Variants in FAM193A observed in about 807,000 individuals in gnomAD.
The protein encoded by FAM193A is protein FAM193A.
FAM193A carries 22 observed loss-of-function variants against 126.5 expected under a neutral mutation model. The ratio of observed to expected loss-of-function variants is 0.17; its 90% CI spans 0.12 to 0.25. The LOEUF is 0.25. FAM193A is among the 10% of genes least tolerant of loss of function. The pLI is 1.00. For missense variants in FAM193A, 1,675 were observed against 1,672.8 expected (o/e 1.00, Z -0.02); for synonymous variants, 761 against 646.8 (o/e 1.18, Z -2.68).
intron 2 of FAM193A, among the ~76,000 whole-genome samples, chr4:2,610,728 C>G (rs561145830): frequency 6.6e-6 from 1 of 152,158 alleles, no homozygotes; most frequent in African/African-American, 2.4e-5. Context: ...CTACTAGGAA[C>G]ATTTGAGTAT....
intron 1 of FAM193A, among the ~76,000 whole-genome samples, chr4:2,565,703 A>T (rs909221495): frequency 1.3e-5 from 2 of 152,246 alleles, no homozygotes; most frequent in African/African-American, 4.8e-5. Flanking sequence ...GGAACTGCTT[A>T]CAGCAACCAG....
Position 2,700,403 on chromosome 4 carries a change from T to A in FAM193A, c.4231T>A (p.Ser1411Thr). Residue 1411 changes from serine to threonine, a missense_variant, in exon 19 of 21, where the codon TCA (serine) becomes ACA (threonine). Physicochemically the swap from Ser to Thr is moderately conservative, Grantham distance 58 (BLOSUM62 1). Coordinates refer to ENST00000637812, the MANE Select transcript of FAM193A (RefSeq NM_001366318.2). ...GCTGAACCACATCAAGGACGAAAAG[T>A]CAAACCCAACCCCTATGGAGCCCAC... The part of the protein sequence containing the change: ...KQLNHIKDEK[S>T]NPTPMEPTSP... The A allele has an allele frequency of 6.2e-7, 1 of 1,613,756 alleles. No homozygotes were observed. The highest frequency in any genetic ancestry group is 1.3e-5 in the African/African-American group (1 of 74,888).
At chr4:2,654,059 A>T (rs904227169) in intron 7 of FAM193A, among the ~76,000 whole-genome samples, 1 of 152,198 alleles carries the variant, frequency 6.6e-6, no homozygotes, top group African/African-American at 2.4e-5. Context: ...GTTTTAATGC[A>T]CTATTTAATT....
In FAM193A at chr4:2,732,160, G is replaced by C; in HGVS notation, c.*292G>C. 2 of 444,042 alleles carry C rather than the reference G, an allele frequency of 4.5e-6. No homozygotes were observed. Among genetic ancestry groups the C allele is most frequent in the Admixed American group, 3.6e-5 (1 of 27,852 alleles). 27.5% of individuals were successfully genotyped at this position (444,042 alleles called of 1,614,324 possible). ...GCCTCGGAGGCCTGGGCCGTGGCCA[G>C]ATAGGAGTTTGCATCATCCACGTGG... On this transcript the variant is annotated 3_prime_UTR_variant, in exon 21 of 21. Coordinates refer to ENST00000637812, the MANE Select transcript of FAM193A (RefSeq NM_001366318.2).
In FAM193A at chr4:2,693,670, C is replaced by T; in HGVS notation, c.2888C>T (p.Pro963Leu). ...APRNSPTGLA[P>L]LPALSPAALS... ...AGGAATAGCCCCACGGGCTTGGCCC[C>T]CCTCCCAGCGCTCTCGCCTGCTGCG... The change falls in exon 16 of 21, where the codon CCC (proline) becomes CTC (leucine). Residue 963 changes from proline to leucine, a missense_variant. By Grantham distance (98) the Pro-to-Leu change is moderately conservative. This residue lies in a region of FAM193A where 1,186 missense variants were observed against 1,109.2 expected (regional missense o/e 1.07). Coordinates refer to ENST00000637812, the MANE Select transcript of FAM193A (RefSeq NM_001366318.2). 1.9e-6 allele frequency: 3 copies of T among 1,614,226 alleles called. No individual in the cohort carries two copies. Among genetic ancestry groups the T allele is most frequent in the Non-Finnish European group, 1.7e-6 (2 of 1,180,034 alleles).
At chr4:2,602,214 TA>T (rs34232840) in intron 2 of FAM193A, among the ~76,000 whole-genome samples, 45 of 148,030 alleles carry the variant, frequency 3.0e-4, no homozygotes, top group South Asian at 6.4e-4. Context: ...GAATGTGATT[TA>T]AAAAAAAAAA....
intron 6 of FAM193A, among the ~76,000 whole-genome samples, chr4:2,643,650 C>T (rs1744855514): frequency 6.6e-6 from 1 of 152,066 alleles, no homozygotes. Flanking sequence ...CATTTTTTGT[C>T]TTAAAATGTA....
At chr4:2,565,981 T>C (rs544215558) in intron 1 of FAM193A, among the ~76,000 whole-genome samples, 1 of 152,312 alleles carries the variant, frequency 6.6e-6, no homozygotes, top group East Asian at 1.9e-4. Flanking sequence ...TCCAGTATTT[T>C]TGAGAAAAAG....
chr4:2,571,256 T>A (rs552643617), intron 1 of FAM193A, among the ~76,000 whole-genome samples: 1 of 152,282 alleles, frequency 6.6e-6, no homozygotes, highest in South Asian at 2.1e-4. Flanking sequence ...AGAGAACAGC[T>A]GTATTGTACA....
At chr4:2,568,171 T>C (rs1739080508) in intron 1 of FAM193A, among the ~76,000 whole-genome samples, 1 of 152,216 alleles carries the variant, frequency 6.6e-6, no homozygotes, top group Non-Finnish European at 1.5e-5. Context: ...TGATTATATT[T>C]TATGAGATTG....
chr4:2,636,599 T>G (rs1178780360), intron 5 of FAM193A, among the ~76,000 whole-genome samples: 3 of 152,224 alleles, frequency 2.0e-5, no homozygotes, highest in Non-Finnish European at 4.4e-5. Context: ...ATTGATTCAC[T>G]GAGTATCTTC....
chr4:2,724,933 T>G (rs1468520692), intron 20 of FAM193A, among the ~76,000 whole-genome samples: 1 of 152,110 alleles, frequency 6.6e-6, no homozygotes, highest in Admixed American at 6.6e-5. Flanking sequence ...TGGAGTGCAA[T>G]TGGTGCAATC....
Position 2,562,514 on chromosome 4 carries a change from G to A in FAM193A, c.255+25344G>A, listed in dbSNP as rs189003980. Among the ~76,000 whole-genome samples the A allele has an allele frequency of 2.0e-5, 3 of 152,264 alleles. No individual in the cohort carries two copies. In the East Asian group the frequency reaches 5.8e-4, roughly 29 times the overall value. On this transcript the variant is annotated intron_variant, in intron 1 of 20. Transcript: ENST00000637812. ...TCAAGAGTCTCAGAAACTCTAGGAT[G>A]TAAGGAGTGATGATCCCTTAGGCTG...
chr4:2,696,491 C>T lies in FAM193A; in HGVS notation c.3405C>T (p.Asp1135=), dbSNP rs768588879. Residue 1135 remains aspartate (D), a synonymous_variant, in exon 18 of 21, where the codon GAC becomes GAT. Coordinates refer to ENST00000637812, the MANE Select transcript of FAM193A (RefSeq NM_001366318.2). ...DQISERESVV[D]HRRVEDLLQF... is the part of the protein sequence containing the mutation. ...TCTCAGAAAGGGAAAGCGTCGTTGA[C>T]CATCGGAGGGTGGAGGATTTGTTGC... 5.6e-6 allele frequency: 9 copies of T among 1,614,040 alleles called. No individual in the cohort carries two copies. In the Admixed American group the frequency reaches 1.3e-4, roughly 24 times the overall value.
At chr4:2,731,182 G>A (rs1425204670) in intron 20 of FAM193A, among the ~76,000 whole-genome samples, 2 of 123,870 alleles carry the variant, frequency 1.6e-5, no homozygotes, top group African/African-American at 6.6e-5. Flanking sequence ...GATGACAAGA[G>A]CGAAACTCCT....
chr4:2,731,221 A>C (rs984416187), intron 20 of FAM193A, among the ~76,000 whole-genome samples: 1 of 138,566 alleles, frequency 7.2e-6, no homozygotes, highest in African/African-American at 2.5e-5. Context: ...AAAAAAAAAA[A>C]AAACCGGTGT....
chr4:2,676,590 C>T (rs1322696405), intron 13 of FAM193A, among the ~76,000 whole-genome samples: 3 of 152,158 alleles, frequency 2.0e-5, no homozygotes, highest in Non-Finnish European at 2.9e-5. Flanking sequence ...CAAGTATTTT[C>T]TCCCATTCTG....
At chr4:2,674,076 G>T (rs144589540) in intron 13 of FAM193A, among the ~76,000 whole-genome samples, 2 of 152,146 alleles carry the variant, frequency 1.3e-5, no homozygotes, top group African/African-American at 2.4e-5. Context: ...ATAACTAAAC[G>T]TTATTTCTAC....
At chr4:2,681,893 T>C (rs1178419546) in intron 13 of FAM193A, among the ~76,000 whole-genome samples, 2 of 152,152 alleles carry the variant, frequency 1.3e-5, no homozygotes, top group Admixed American at 6.5e-5. Context: ...CATTTGTCTC[T>C]AAGTATTTTC....
Sources: allele counts gnomAD v4.1 joint callset (sites outside exome capture counted in the v4.1 genomes callset), GRCh38; gene constraint gnomAD v4.1.1; regional missense constraint gnomAD v4.1.1; transcripts MANE v1.5; gene names NCBI Gene and HGNC (gene_info 2026-07-23, HGNC 2026-07-21).